RBM33: variants seen among roughly 807,000 people sequenced by gnomAD.
RBM33 encodes RNA binding motif protein 33, also known as RNA-binding protein 33.
A neutral mutation model predicts 132.6 loss-of-function variants in RBM33; 28 were observed. The observed-to-expected ratio is 0.21, with a 90% CI of 0.16 to 0.29. The LOEUF is 0.29. Among genes scored for constraint, RBM33 ranks in the 10% least tolerant of loss-of-function variants. The pLI is 1.00. For synonymous variants in RBM33, 634 were observed against 593.0 expected (o/e 1.07, Z -1.01); for missense variants, 1,291 against 1,518.5 (o/e 0.85, Z 2.49).
chr7:155,744,924 G>C, intron 13 of RBM33, 37 bp from the exon 14 acceptor site: 1 of 1,515,582 alleles, frequency 6.6e-7, no homozygotes, highest in Non-Finnish European at 8.8e-7. Flanking sequence ...CACCTTGCCT[G>C]TATAGCAAAG....
At chr7:155,674,049 T>C (rs1279392930) in intron 3 of RBM33, among the ~76,000 whole-genome samples, 1 of 148,796 alleles carries the variant, frequency 6.7e-6, no homozygotes, top group African/African-American at 2.5e-5. Flanking sequence ...TAGAAGTGAT[T>C]ACTGCATCAT....
intron 3 of RBM33, among the ~76,000 whole-genome samples, chr7:155,673,852 A>G (rs1799079151): frequency 6.6e-6 from 1 of 151,016 alleles, no homozygotes; most frequent in Admixed American, 6.6e-5. Context: ...TAGAATGTAT[A>G]GCGAGAAAGT....
chr7:155,700,546 C>CTTTTTTT lies in RBM33; in HGVS notation c.568-204_568-198dup, dbSNP rs529323301. 2.0e-4 allele frequency among the ~76,000 whole-genome samples: 17 copies of CTTTTTTT among 85,602 alleles called. 1 individual carries two copies. Among genetic ancestry groups the CTTTTTTT allele is most frequent in the Non-Finnish European group, 3.2e-4 (14 of 44,014 alleles). The allele number at this position is 85,602 out of a possible 152,430, so 56.2% of individuals were successfully genotyped here. On this transcript the variant is annotated intron_variant, in intron 5 of 17. Coordinates refer to ENST00000401878, the MANE Select transcript of RBM33 (RefSeq NM_053043.3). ...TATTAATTGCAAGCAAGAATTTGAC[C>CTTTTTTT]TTTTTTTTTTTTTTTTTTTTTTTTT...
chr7:155,661,083 CTGTG>C (rs142134390), intron 1 of RBM33, among the ~76,000 whole-genome samples: 4 of 132,306 alleles, frequency 3.0e-5, no homozygotes, highest in East Asian at 2.2e-4. Flanking sequence ...AAAATAATTT[CTGTG>C]TGTGTGTGTG....
chr7:155,707,267 G>T (rs1228957446), intron 7 of RBM33, 199 bp downstream of exon 7: 3 of 681,598 alleles, frequency 4.4e-6, no homozygotes, highest in Non-Finnish European at 8.2e-6. Context: ...CAGTCATCTG[G>T]TAGTAAGAAA....
At chr7:155,688,978 T>C (rs941357258) in intron 5 of RBM33, among the ~76,000 whole-genome samples, 1 of 152,234 alleles carries the variant, frequency 6.6e-6, no homozygotes, top group Non-Finnish European at 1.5e-5. Flanking sequence ...AGGATGATGC[T>C]GGCCTCATAA....
At position 155,707,026 on chromosome 7, in the gene RBM33, G is replaced by C. The variant is rs1156282136; in HGVS notation, c.906G>C (p.Lys302Asn). 2 of 1,574,348 alleles carry C rather than the reference G, an allele frequency of 1.3e-6. No individual in the cohort carries two copies. Among genetic ancestry groups the C allele is most frequent in the African/African-American group, 1.3e-5 (1 of 74,176 alleles). The change falls in exon 7 of 18, where the codon AAG becomes AAC. Residue 302 changes from lysine to asparagine, a missense_variant. By Grantham distance (94) the Lys-to-Asn change is moderately conservative. Transcript: ENST00000401878. ...RRESTERGRM[K>N]DHRPALLPTQ... ...AGAGCACCGAGAGGGGCAGGATGAAGGACCACAGACCTGCGCTGCTTCCTA... is the reference window on the plus strand; with the variant it reads ...AGAGCACCGAGAGGGGCAGGATGAACGACCACAGACCTGCGCTGCTTCCTA...
intron 1 of RBM33, among the ~76,000 whole-genome samples, chr7:155,663,733 T>G (rs1444871182): frequency 6.6e-6 from 1 of 152,188 alleles, no homozygotes; most frequent in African/African-American, 2.4e-5. Flanking sequence ...GGAAAATTCC[T>G]GAGGCTTTAT....
intron 1 of RBM33, chr7:155,645,150 C>T (rs1798145723): frequency 4.5e-6 from 2 of 442,950 alleles, no homozygotes; most frequent in Non-Finnish European, 8.1e-6. Context: ...TCTGTGTGTC[C>T]TCTACTTTGC....
chr7:155,689,055 T>G (rs1461794220), intron 5 of RBM33, among the ~76,000 whole-genome samples: 1 of 152,220 alleles, frequency 6.6e-6, no homozygotes, highest in East Asian at 1.9e-4. Flanking sequence ...TGGTACCAGC[T>G]CCTCCTTGTA....
intron 5 of RBM33, among the ~76,000 whole-genome samples, chr7:155,682,864 C>G (rs1217740949): frequency 2.0e-5 from 3 of 152,132 alleles, no homozygotes; most frequent in Non-Finnish European, 4.4e-5. Flanking sequence ...CACATAGGCC[C>G]CAGTTGTAAT....
chr7:155,686,782 A>G (rs1164901227), intron 5 of RBM33, among the ~76,000 whole-genome samples: 1 of 152,134 alleles, frequency 6.6e-6, no homozygotes. Flanking sequence ...TTCCAGCTTC[A>G]TCCATGTCCC....
Position 155,649,116 on chromosome 7 carries a change from C to T in RBM33, c.43+4197C>T, listed in dbSNP as rs1218135355. On this transcript the variant is annotated intron_variant, in intron 1 of 17. Transcript: ENST00000401878. ...GCTACTTTGTTTTCTCCTTCTGGGA[C>T]TCCCATAATGCATAGATTGGTACTT... 2.0e-5 allele frequency among the ~76,000 whole-genome samples: 3 copies of T among 152,152 alleles called. No individual in the cohort carries two copies. In the South Asian group the frequency reaches 6.2e-4, roughly 32 times the overall value.
intron 5 of RBM33, chr7:155,684,972 C>T (rs1241798615): frequency 6.5e-7 from 1 of 1,550,310 alleles, no homozygotes; most frequent in Non-Finnish European, 8.7e-7. Context: ...GCAACAAGGG[C>T]TGCAAGAGCA....
chr7:155,703,407 T>C (rs1244260714), intron 6 of RBM33, among the ~76,000 whole-genome samples: 1 of 152,172 alleles, frequency 6.6e-6, no homozygotes, highest in Non-Finnish European at 1.5e-5. Flanking sequence ...TATAAACATA[T>C]ACAGCTTGAC....
intron 1 of RBM33, 115 bp from the exon 2 acceptor site, chr7:155,665,060 T>C (rs931499365): frequency 1.3e-6 from 1 of 748,696 alleles, no homozygotes; most frequent in East Asian, 2.8e-5. Flanking sequence ...ATGAAACTTT[T>C]GTAATTTAAA....
At chr7:155,748,805 A>G (rs1023605624) in intron 14 of RBM33, among the ~76,000 whole-genome samples, 24 of 152,064 alleles carry the variant, frequency 1.6e-4, no homozygotes, top group Non-Finnish European at 3.2e-4. Flanking sequence ...GCGTGTGCAT[A>G]GGGAACATTT....
At chr7:155,722,385 T>C (rs1800655231) in intron 9 of RBM33, among the ~76,000 whole-genome samples, 1 of 152,260 alleles carries the variant, frequency 6.6e-6, no homozygotes, top group Non-Finnish European at 1.5e-5. Flanking sequence ...TGTTTTGTTT[T>C]GTCTTTTAAA....
chr7:155,652,083 A>G (rs1200114944), intron 1 of RBM33, among the ~76,000 whole-genome samples: 1 of 152,202 alleles, frequency 6.6e-6, no homozygotes, highest in African/African-American at 2.4e-5. Context: ...TTAATATTTA[A>G]ATAAAGGATC....
Sources: gnomAD v4.1 joint callset for allele counts (sites outside exome capture counted in the v4.1 genomes callset) on GRCh38, gnomAD v4.1.1 for gene constraint, MANE v1.5 for transcripts, NCBI Gene and HGNC (gene_info 2026-07-23, HGNC 2026-07-21) for gene names.